Variants in TENM3 observed in about 807,000 individuals in gnomAD.
TENM3 encodes teneurin-3.
A neutral mutation model predicts 255.1 loss-of-function variants in TENM3; 63 were observed. The ratio of observed to expected loss-of-function variants is 0.25; its 90% CI spans 0.20 to 0.30. The LOEUF (loss-of-function observed/expected upper bound fraction) is 0.30, where lower values mean the gene tolerates loss of function less well. Among genes scored for constraint, TENM3 ranks in the 10% least tolerant of loss-of-function variants. The pLI is 1.00. For missense variants in TENM3, 2,929 were observed against 3,461.1 expected, an observed-to-expected ratio of 0.85 and a Z score of 3.86; for synonymous variants, 1,306 against 1,322.3, an observed-to-expected ratio of 0.99 and a Z score of 0.27.
At chr4:181,487,901 TA>T in the TENM3 span, among the ~76,000 whole-genome samples, 1 of 151,954 alleles carries the variant, frequency 6.6e-6, no homozygotes, top group Non-Finnish European at 1.5e-5. Context: ...ATATAGATGT[TA>T]AAAAAAATTC....
chr4:181,586,657 C>T, the TENM3 span, among the ~76,000 whole-genome samples: 33 of 152,096 alleles, frequency 2.2e-4, no homozygotes, highest in African/African-American at 5.8e-4. Flanking sequence ...CTGGCCAACA[C>T]GATGAAACCC....
the TENM3 span, among the ~76,000 whole-genome samples, chr4:182,102,007 G>C: frequency 1.3e-5 from 2 of 152,208 alleles, no homozygotes; most frequent in Non-Finnish European, 1.5e-5. Context: ...CGCTCTCAGA[G>C]AGCCGGGGCT....
the TENM3 span, among the ~76,000 whole-genome samples, chr4:181,813,209 T>A: frequency 1.3e-5 from 2 of 152,122 alleles, no homozygotes; most frequent in Admixed American, 1.3e-4. Context: ...GAGTTCTCTC[T>A]TGTAAGGGTA....
chr4:181,949,615 G>A, the TENM3 span, among the ~76,000 whole-genome samples: 6 of 152,174 alleles, frequency 3.9e-5, no homozygotes, highest in Middle Eastern at 3.4e-3. Context: ...CTATTCCTCC[G>A]CATGAAAGCT....
At chr4:181,843,793 C>T in the TENM3 span, among the ~76,000 whole-genome samples, 1 of 146,648 alleles carries the variant, frequency 6.8e-6, no homozygotes, top group East Asian at 2.1e-4. Context: ...GATCTTGGCT[C>T]ACTGCAGCTT....
the TENM3 span, among the ~76,000 whole-genome samples, chr4:181,940,526 A>G: frequency 6.6e-6 from 1 of 152,256 alleles, no homozygotes; most frequent in Non-Finnish European, 1.5e-5. Flanking sequence ...AATAAACTAT[A>G]TAACATAATA....
At chr4:181,635,310 T>A in the TENM3 span, among the ~76,000 whole-genome samples, 14 of 152,216 alleles carry the variant, frequency 9.2e-5, 1 homozygote, top group Non-Finnish European at 2.9e-5. Flanking sequence ...TACTCTGCAG[T>A]GAAAATAAAC....
At chr4:181,482,809 C>T in the TENM3 span, among the ~76,000 whole-genome samples, 1 of 152,220 alleles carries the variant, frequency 6.6e-6, no homozygotes, top group African/African-American at 2.4e-5. Flanking sequence ...TTCAATTATA[C>T]TCCCATCCAT....
At position 182,755,128 on chromosome 4, in the gene TENM3, G is replaced by A; in HGVS notation, c.4761G>A (p.Leu1587=). 1 of 1,614,028 alleles carries A rather than the reference G, an allele frequency of 6.2e-7. No individual in the cohort carries two copies. Among genetic ancestry groups the A allele is most frequent in the African/African-American group, 1.3e-5 (1 of 75,048 alleles). The change falls in exon 22 of 28, where the codon TTG becomes TTA. Residue 1587 remains leucine, a synonymous_variant. Coordinates refer to ENST00000511685, the MANE Select transcript of TENM3 (RefSeq NM_001080477.4). ...VVSPDNQVIW[L]TIGTNGCLKS... ...CTCCTGATAACCAAGTGATATGGTT[G>A]ACAATAGGAACAAATGGATGTTTGA... is the stretch of plus-strand genomic sequence containing the variant.
the TENM3 span, among the ~76,000 whole-genome samples, chr4:181,599,304 G>T: frequency 1.3e-5 from 2 of 152,124 alleles, no homozygotes; most frequent in East Asian, 1.9e-4. Flanking sequence ...AAAGAGAGAC[G>T]ATTTCAGTGA....
chr4:182,043,234 T>A, the TENM3 span, among the ~76,000 whole-genome samples: 1 of 152,182 alleles, frequency 6.6e-6, no homozygotes, highest in African/African-American at 2.4e-5. Flanking sequence ...TAGCTAGCTA[T>A]GTTACGTGCC....
the TENM3 span, among the ~76,000 whole-genome samples, chr4:181,834,414 A>G: frequency 1.3e-5 from 2 of 152,348 alleles, no homozygotes; most frequent in African/African-American, 4.8e-5. Flanking sequence ...TATGGGCTTA[A>G]TCACCAGTAT....
chr4:181,547,168 A>T, the TENM3 span, among the ~76,000 whole-genome samples: 9 of 152,138 alleles, frequency 5.9e-5, no homozygotes, highest in African/African-American at 2.2e-4. Context: ...ATCAGAGAAA[A>T]GAGAAAAAGT....
At chr4:181,836,567 C>A in the TENM3 span, among the ~76,000 whole-genome samples, 1 of 152,028 alleles carries the variant, frequency 6.6e-6, no homozygotes, top group Non-Finnish European at 1.5e-5. Flanking sequence ...TTTCCAATAC[C>A]ACCTTGACAT....
chr4:182,125,232 G>A, the TENM3 span, among the ~76,000 whole-genome samples: 656 of 151,762 alleles, frequency 4.3e-3, 5 homozygotes, highest in African/African-American at 0.015. Flanking sequence ...GCGCATCCAC[G>A]CTGTGTGTGC....
At chr4:182,704,504 A>T (rs1241817924) in intron 12 of TENM3, among the ~76,000 whole-genome samples, 6 of 152,246 alleles carry the variant, frequency 3.9e-5, no homozygotes, top group African/African-American at 1.4e-4. Context: ...AATGTGATTT[A>T]TCTCAAAGCA....
chr4:182,358,438 C>G (rs935140641), intron 3 of TENM3, among the ~76,000 whole-genome samples: 1 of 151,854 alleles, frequency 6.6e-6, no homozygotes, highest in Non-Finnish European at 1.5e-5. Context: ...CTTCACATCC[C>G]TTGTAAGGTG....
the TENM3 span, among the ~76,000 whole-genome samples, chr4:181,501,102 A>C: frequency 1.3e-5 from 2 of 152,124 alleles, no homozygotes; most frequent in African/African-American, 2.4e-5. Flanking sequence ...AATCAAAGAA[A>C]AGAAATTACC....
intron 3 of TENM3, among the ~76,000 whole-genome samples, chr4:182,403,772 G>A: frequency 6.6e-6 from 1 of 152,108 alleles, no homozygotes; most frequent in East Asian, 1.9e-4. Context: ...ACCAGGCTGT[G>A]GTGCAGTGGC....
Sources: gnomAD v4.1 joint callset for allele counts (sites outside exome capture counted in the v4.1 genomes callset) on GRCh38, gnomAD v4.1.1 for gene constraint, MANE v1.5 for transcripts, NCBI Gene and HGNC (gene_info 2026-07-23, HGNC 2026-07-21) for gene names.